The following SYNPR variants were observed in gnomAD, a reference collection of about 807,000 sequenced individuals.
SYNPR encodes the protein synaptoporin.
SYNPR carries 23 observed loss-of-function variants against 32.9 expected under a neutral mutation model. That is an observed-to-expected ratio of 0.70 (90% confidence interval 0.50 to 0.99). The LOEUF is 0.99. SYNPR is among the 50% of genes least tolerant of loss of function. The pLI, the probability that SYNPR is intolerant of heterozygous loss-of-function variation, is 0.00. For synonymous variants in SYNPR, 146 were observed against 135.9 expected (o/e 1.07, Z -0.52); for missense variants, 318 against 349.3 (o/e 0.91, Z 0.71).
At chr3:63,597,466 T>C (rs1699978391) in intron 4 of SYNPR, among the ~76,000 whole-genome samples, 1 of 152,152 alleles carries the variant, frequency 6.6e-6, no homozygotes, top group South Asian at 2.1e-4. Context: ...TGAGCACTTG[T>C]TAACTAAGCA....
chr3:63,296,076 G>C lies in SYNPR; in HGVS notation c.84+17334G>C, dbSNP rs567985247. Among the ~76,000 whole-genome samples, 252 of 152,250 alleles carry C rather than the reference G, an allele frequency of 1.7e-3. 1 individual carries two copies. The highest frequency in any genetic ancestry group is 5.8e-3 in the African/African-American group (240 of 41,556). ...AGGCAGGTAATGCAGGAGGAAACCT[G>C]CATGGGGCCATCATATGAGGCAACA... is the stretch of plus-strand genomic sequence containing the variant. On this transcript the variant is annotated intron_variant, in intron 2 of 5. Transcript: ENST00000478300.
intron 2 of SYNPR, among the ~76,000 whole-genome samples, chr3:63,348,579 ATC>A (rs1393483804): frequency 1.3e-5 from 2 of 152,046 alleles, no homozygotes; most frequent in African/African-American, 4.8e-5. Context: ...TGCTTTTGAC[ATC>A]TTAGTTTATT....
At chr3:63,372,591 C>T (rs1420955629) in intron 2 of SYNPR, among the ~76,000 whole-genome samples, 1 of 152,174 alleles carries the variant, frequency 6.6e-6, no homozygotes, top group African/African-American at 2.4e-5. Flanking sequence ...TGGGTTGGGC[C>T]CACAGCACAG....
At chr3:63,386,171 C>T (rs762864523) in intron 2 of SYNPR, among the ~76,000 whole-genome samples, 3 of 152,198 alleles carry the variant, frequency 2.0e-5, no homozygotes, top group Non-Finnish European at 4.4e-5. Flanking sequence ...ACACCCTCCT[C>T]ACAACTGTCT....
chr3:63,308,489 T>C (rs1208825047), intron 2 of SYNPR, among the ~76,000 whole-genome samples: 3 of 151,950 alleles, frequency 2.0e-5, no homozygotes, highest in Non-Finnish European at 4.4e-5. Flanking sequence ...ACATCTTTTG[T>C]AGTGTATGTC....
At chr3:63,374,994 G>A (rs1179562211) in intron 2 of SYNPR, among the ~76,000 whole-genome samples, 1 of 152,146 alleles carries the variant, frequency 6.6e-6, no homozygotes, top group East Asian at 1.9e-4. Context: ...CTGGTCATCA[G>A]AGAAATGCAA....
At chr3:63,223,690 A>G (rs1165165537), upstream of SYNPR, among the ~76,000 whole-genome samples, 2 of 152,204 alleles carry the variant, frequency 1.3e-5, no homozygotes, top group South Asian at 2.1e-4. Flanking sequence ...TCGCCATGTT[A>G]TATGTGCTAT....
chr3:63,301,369 T>G (rs1401646010), intron 2 of SYNPR, among the ~76,000 whole-genome samples: 1 of 152,126 alleles, frequency 6.6e-6, no homozygotes, highest in African/African-American at 2.4e-5. Context: ...AAAAGACAGA[T>G]GTTTATAACT....
chr3:63,394,105 A>G (rs2088179444), intron 2 of SYNPR, among the ~76,000 whole-genome samples: 1 of 152,212 alleles, frequency 6.6e-6, no homozygotes, highest in South Asian at 2.1e-4. Context: ...ACCAGGTGGT[A>G]GCACTAATAT....
At chr3:63,378,411 A>G (rs1372197017) in intron 2 of SYNPR, among the ~76,000 whole-genome samples, 2 of 151,932 alleles carry the variant, frequency 1.3e-5, no homozygotes, top group East Asian at 3.9e-4. Context: ...TGAAAAGGCT[A>G]TTCTTCTTCT....
chr3:63,308,057 A>G (rs1320867180), intron 2 of SYNPR, among the ~76,000 whole-genome samples: 1 of 152,086 alleles, frequency 6.6e-6, no homozygotes, highest in African/African-American at 2.4e-5. Context: ...AATAGGAAGA[A>G]GAGGGTCTGG....
At chr3:63,276,747 A>G (rs981413472), upstream of SYNPR, among the ~76,000 whole-genome samples, 3 of 152,034 alleles carry the variant, frequency 2.0e-5, no homozygotes, top group Admixed American at 6.6e-5. Context: ...AGATGGTGCA[A>G]CCAGTCCACT....
At chr3:63,357,168 C>T (rs984669139) in intron 2 of SYNPR, among the ~76,000 whole-genome samples, 2 of 152,092 alleles carry the variant, frequency 1.3e-5, no homozygotes, top group Non-Finnish European at 1.5e-5. Flanking sequence ...GTCCTGGGGC[C>T]CATTTGCTAT....
chr3:63,229,936 T>G (rs1044036027), intron 1 of SYNPR, among the ~76,000 whole-genome samples: 1 of 152,160 alleles, frequency 6.6e-6, no homozygotes, highest in African/African-American at 2.4e-5. Context: ...TTACATTAAT[T>G]TACAACTATT....
At chr3:63,375,301 G>A (rs942916342) in intron 2 of SYNPR, among the ~76,000 whole-genome samples, 11 of 152,132 alleles carry the variant, frequency 7.2e-5, no homozygotes, top group Admixed American at 2.6e-4. Flanking sequence ...ATTCACAACA[G>A]CAAAGACTTG....
chr3:63,401,208 G>A (rs9865933), intron 2 of SYNPR, among the ~76,000 whole-genome samples: 24 of 152,102 alleles, frequency 1.6e-4, no homozygotes, highest in South Asian at 4.1e-4. Flanking sequence ...GATTGGTGGC[G>A]CAGGGGTGGG....
chr3:63,516,387 C>T (rs754475017), intron 3 of SYNPR, among the ~76,000 whole-genome samples: 4 of 152,084 alleles, frequency 2.6e-5, no homozygotes, highest in Non-Finnish European at 5.9e-5. Flanking sequence ...AAGCAAAGTC[C>T]TGTATCTCTT....
chr3:63,616,147 T>C lies in SYNPR; in HGVS notation c.*666T>C, dbSNP rs1275649352. ...TGTATACTTTGCAAATTTGTCTCTC[T>C]GGCTTTACCCAAGTTCTGAATGCAT... On this transcript the variant is annotated 3_prime_UTR_variant, in exon 6 of 6. Transcript: ENST00000478300. 6.6e-6 allele frequency: 1 copy of C among 152,246 alleles called. No individual in the cohort carries two copies. Among genetic ancestry groups the C allele is most frequent in the East Asian group, 1.9e-4 (1 of 5,206 alleles). 9.4% of individuals were successfully genotyped at this position (152,246 alleles called of 1,614,324 possible).
intron 4 of SYNPR, among the ~76,000 whole-genome samples, chr3:63,580,347 C>A (rs1333209223): frequency 6.6e-6 from 1 of 152,170 alleles, no homozygotes; most frequent in Non-Finnish European, 1.5e-5. Context: ...CAGAAAAATA[C>A]TTTAAAAACT....
Sources: allele counts gnomAD v4.1 joint callset (sites outside exome capture counted in the v4.1 genomes callset), GRCh38; gene constraint gnomAD v4.1.1; transcripts MANE v1.5; gene names NCBI Gene and HGNC (gene_info 2026-07-23, HGNC 2026-07-21).